Variants in LRRC7 observed in about 807,000 individuals in gnomAD.
LRRC7 encodes the protein leucine rich repeat containing 7, also known as leucine-rich repeat-containing protein 7.
A neutral mutation model predicts 175.7 loss-of-function variants in LRRC7; 23 were observed. The ratio of observed to expected loss-of-function variants is 0.13; its 90% confidence interval spans 0.09 to 0.19. The LOEUF (loss-of-function observed/expected upper bound fraction) is 0.19, where lower values mean the gene tolerates loss of function less well. Among genes scored for constraint, LRRC7 ranks in the 10% least tolerant of loss-of-function variants. The pLI, the probability that LRRC7 is intolerant of heterozygous loss-of-function variation, is 1.00. For missense variants in LRRC7, 1,354 were observed against 1,904.7 expected (o/e 0.71, Z 5.38); for synonymous variants, 685 against 680.9 (o/e 1.01, Z -0.09).
intron 2 of LRRC7, among the ~76,000 whole-genome samples, chr1:69,753,132 A>G (rs1670020284): frequency 6.6e-6 from 1 of 152,020 alleles, no homozygotes. Flanking sequence ...ATTATGCTCA[A>G]CTCAGTTTCT....
chr1:69,735,606 T>C (rs1293258329), intron 2 of LRRC7, among the ~76,000 whole-genome samples: 1 of 152,124 alleles, frequency 6.6e-6, no homozygotes, highest in Non-Finnish European at 1.5e-5. Context: ...GTAAATAACG[T>C]GTGGGGTTTG....
chr1:69,991,666 A>G (rs1261541784), intron 10 of LRRC7, among the ~76,000 whole-genome samples: 1 of 152,184 alleles, frequency 6.6e-6, no homozygotes, highest in Non-Finnish European at 1.5e-5. Context: ...ATCATGGATT[A>G]TCTATTGGAC....
chr1:70,091,890 C>T (rs1043136878), intron 25 of LRRC7, among the ~76,000 whole-genome samples: 3 of 152,246 alleles, frequency 2.0e-5, no homozygotes, highest in Middle Eastern at 3.4e-3. Context: ...AAGTAAATCT[C>T]TATTATTATA....
intron 7 of LRRC7, among the ~76,000 whole-genome samples, chr1:69,858,177 A>G (rs1367505674): frequency 2.0e-5 from 3 of 152,178 alleles, no homozygotes; most frequent in African/African-American, 7.2e-5. Flanking sequence ...AACCTAGGCA[A>G]TACTATTCAG....
At chr1:69,813,237 T>C (rs1678167483) in intron 4 of LRRC7, among the ~76,000 whole-genome samples, 1 of 152,148 alleles carries the variant, frequency 6.6e-6, no homozygotes, top group Non-Finnish European at 1.5e-5. Context: ...ACACCCTTTC[T>C]TCTCTCTCAT....
intron 1 of LRRC7, among the ~76,000 whole-genome samples, chr1:69,581,373 G>A (rs1194523381): frequency 6.6e-6 from 1 of 152,158 alleles, no homozygotes; most frequent in Non-Finnish European, 1.5e-5. Context: ...AGAGATAGAT[G>A]AAAGTGAAAT....
At chr1:69,917,914 G>T (rs1646769227) in intron 7 of LRRC7, among the ~76,000 whole-genome samples, 1 of 152,110 alleles carries the variant, frequency 6.6e-6, no homozygotes, top group Non-Finnish European at 1.5e-5. Flanking sequence ...CTCAACTTTA[G>T]AATTACTCTT....
At chr1:70,064,679 C>CAAAAA in intron 23 of LRRC7, among the ~76,000 whole-genome samples, 1 of 150,734 alleles carries the variant, frequency 6.6e-6, no homozygotes, top group East Asian at 1.9e-4. Flanking sequence ...GTTACATTTT[C>CAAAAA]AAAAGAGAGA....
At chr1:69,576,933 T>C (rs900461943) in intron 1 of LRRC7, among the ~76,000 whole-genome samples, 3 of 152,154 alleles carry the variant, frequency 2.0e-5, no homozygotes, top group African/African-American at 7.2e-5. Context: ...ATAATACCTG[T>C]TTTATCTTTT....
rs578031029 is a variant in LRRC7 at position 70,095,253 on chromosome 1, C to T, written c.4545+5434C>T. 1.1e-3 allele frequency among the ~76,000 whole-genome samples: 169 copies of T among 152,138 alleles called. 1 individual carries two copies. Among genetic ancestry groups the T allele is most frequent in the Middle Eastern group, 3.4e-3 (1 of 294 alleles). On this transcript the variant is annotated intron_variant, in intron 25 of 26. Coordinates refer to ENST00000651989, the MANE Select transcript of LRRC7 (RefSeq NM_001370785.2). ...GACTAAATTTAGGAAGACGCTGAAA[C>T]AGTTTTTATTTTATATATAAAATGA...
chr1:70,026,103 C>G (rs1448297311), intron 17 of LRRC7, among the ~76,000 whole-genome samples: 4 of 152,002 alleles, frequency 2.6e-5, no homozygotes, highest in Non-Finnish European at 4.4e-5. Context: ...CAGCATCTAA[C>G]AAAAAATACA....
At chr1:69,921,516 T>TC (rs1646888023) in intron 7 of LRRC7, among the ~76,000 whole-genome samples, 1 of 152,178 alleles carries the variant, frequency 6.6e-6, no homozygotes, top group Admixed American at 6.5e-5. Context: ...TTTTTTCCTC[T>TC]CCTTTACATC....
chr1:70,041,367 A>G (rs919638723), intron 21 of LRRC7, among the ~76,000 whole-genome samples: 14 of 152,210 alleles, frequency 9.2e-5, no homozygotes, highest in African/African-American at 3.1e-4. Context: ...TTCTCAATGT[A>G]GAAATTGGTT....
intron 6 of LRRC7, 129 bp downstream of exon 6, chr1:69,834,998 G>T: frequency 1.6e-6 from 1 of 628,402 alleles, no homozygotes. Flanking sequence ...TTCAATAAAT[G>T]AAACGCTGTT....
chr1:70,002,973 G>A (rs1005157909), intron 11 of LRRC7, among the ~76,000 whole-genome samples: 21 of 152,148 alleles, frequency 1.4e-4, no homozygotes, highest in African/African-American at 4.6e-4. Context: ...AGTCTGCTCC[G>A]GCTAACATAA....
At chr1:69,830,951 A>C (rs72943214) in intron 5 of LRRC7, among the ~76,000 whole-genome samples, 1 of 151,894 alleles carries the variant, frequency 6.6e-6, no homozygotes, top group Admixed American at 6.6e-5. Context: ...TTAAACTCTG[A>C]AACAAAATGT....
intron 2 of LRRC7, among the ~76,000 whole-genome samples, chr1:69,730,668 A>G (rs1667470496): frequency 6.6e-6 from 1 of 152,026 alleles, no homozygotes; most frequent in Non-Finnish European, 1.5e-5. Flanking sequence ...GGAAGCTCCA[A>G]ACTTTTCCAC....
chr1:69,995,610 G>C (rs1654871360), intron 11 of LRRC7, among the ~76,000 whole-genome samples: 1 of 145,010 alleles, frequency 6.9e-6, no homozygotes, highest in Non-Finnish European at 1.5e-5. Context: ...GTGTCCATGT[G>C]TTCTCATTGT....
chr1:70,029,045 A>C (rs1016333913), intron 18 of LRRC7, among the ~76,000 whole-genome samples: 3 of 152,166 alleles, frequency 2.0e-5, no homozygotes, highest in Non-Finnish European at 2.9e-5. Flanking sequence ...ATCTGAGTAC[A>C]TCTGTAAGTT....
Sources: allele counts gnomAD v4.1 joint callset (sites outside exome capture counted in the v4.1 genomes callset), GRCh38; gene constraint gnomAD v4.1.1; transcripts MANE v1.5; gene names NCBI Gene and HGNC (gene_info 2026-07-23, HGNC 2026-07-21).